RSRC1: variants seen among roughly 807,000 people sequenced by gnomAD.
The protein encoded by RSRC1 is serine/Arginine-related protein 53.
RSRC1 carries 39 observed loss-of-function variants against 49.1 expected under a neutral mutation model. The observed-to-expected ratio is 0.79, with a 90% CI of 0.61 to 1.04. The LOEUF is 1.04. Ranked by LOEUF, RSRC1 falls within the 50% of genes least tolerant of loss-of-function variation. RSRC1 has a pLI of 0.00. For missense variants in RSRC1, 388 were observed against 402.4 expected, an observed-to-expected ratio of 0.96 and a Z score of 0.31; for synonymous variants, 143 against 130.8, an observed-to-expected ratio of 1.09 and a Z score of -0.63.
chr3:158,487,287 A>T (rs1345592213), intron 7 of RSRC1, among the ~76,000 whole-genome samples: 2 of 108,608 alleles, frequency 1.8e-5, no homozygotes, highest in Non-Finnish European at 3.8e-5. Flanking sequence ...TTAAATATTC[A>T]ATTTATAATT....
At chr3:158,154,928 A>C (rs1287785290) in intron 3 of RSRC1, among the ~76,000 whole-genome samples, 1 of 152,192 alleles carries the variant, frequency 6.6e-6, no homozygotes, top group Non-Finnish European at 1.5e-5. Flanking sequence ...CATCCATAAG[A>C]AGCAACTCTT....
In RSRC1 at chr3:158,122,249, A is replaced by G; in HGVS notation, c.145A>G (p.Arg49Gly). 1 of 1,603,360 alleles carries G rather than the reference A, an allele frequency of 6.2e-7. No homozygotes were observed. The highest frequency in any genetic ancestry group is 8.5e-7 in the Non-Finnish European group (1 of 1,174,198). The change falls in exon 2 of 10, where the codon AGA (arginine) becomes GGA (glycine). Residue 49 changes from arginine (R) to glycine (G), a missense_variant. Coordinates refer to ENST00000611884, the MANE Select transcript of RSRC1 (RefSeq NM_001271838.2). ...KGGRKSRSKS[R>G]SWSRDLQPRS... ...AGGAAGGAAATCAAGATCAAAGTCA[A>G]GATCTTGGTCCAGAGATCTTCAGCC...
intron 7 of RSRC1, among the ~76,000 whole-genome samples, chr3:158,509,115 A>T (rs933770646): frequency 6.6e-6 from 1 of 152,136 alleles, no homozygotes; most frequent in African/African-American, 2.4e-5. Flanking sequence ...TTCTTCTCAG[A>T]GTTGTATAGT....
At chr3:158,125,989 T>A (rs762149918) in intron 3 of RSRC1, among the ~76,000 whole-genome samples, 1 of 152,154 alleles carries the variant, frequency 6.6e-6, no homozygotes, top group Non-Finnish European at 1.5e-5. Context: ...TGACTTAAAG[T>A]CTATTTTGTC....
intron 5 of RSRC1, among the ~76,000 whole-genome samples, chr3:158,308,411 A>G (rs1032656296): frequency 1.7e-4 from 26 of 151,914 alleles, no homozygotes; most frequent in African/African-American, 6.3e-4. Context: ...TTGATGTAGC[A>G]GGCTGCAAGG....
chr3:158,517,821 C>G (rs983845791), intron 7 of RSRC1, among the ~76,000 whole-genome samples: 5 of 119,468 alleles, frequency 4.2e-5, no homozygotes, highest in African/African-American at 1.7e-4. Context: ...CCAGGTTGGT[C>G]TTGAAATCGT....
At chr3:158,222,104 C>G (rs1722254539) in intron 4 of RSRC1, among the ~76,000 whole-genome samples, 1 of 151,362 alleles carries the variant, frequency 6.6e-6, no homozygotes, top group African/African-American at 2.4e-5. Context: ...GTAAGAGGGG[C>G]AGTTTACGAT....
chr3:158,270,196 C>T (rs1284649025), intron 4 of RSRC1, among the ~76,000 whole-genome samples: 1 of 152,130 alleles, frequency 6.6e-6, no homozygotes, highest in Admixed American at 6.5e-5. Context: ...TGTAGGAGAT[C>T]CATCATACTC....
intron 7 of RSRC1, among the ~76,000 whole-genome samples, chr3:158,510,724 G>A (rs542840600): frequency 1.3e-5 from 2 of 152,068 alleles, no homozygotes; most frequent in South Asian, 4.2e-4. Flanking sequence ...AGCCTGTTGT[G>A]CTATCAGATA....
chr3:158,131,333 G>C (rs1716009528), intron 3 of RSRC1, among the ~76,000 whole-genome samples: 1 of 151,842 alleles, frequency 6.6e-6, no homozygotes, highest in Non-Finnish European at 1.5e-5. Flanking sequence ...CTAGTGGGAT[G>C]ATTATGGTTT....
intron 5 of RSRC1, among the ~76,000 whole-genome samples, chr3:158,334,649 T>G (rs970883100): frequency 8.7e-5 from 12 of 137,536 alleles, no homozygotes; most frequent in African/African-American, 2.8e-4. Flanking sequence ...CCCAGCTAAT[T>G]TGTGTGTGTG....
chr3:158,462,648 A>T (rs948918745), intron 7 of RSRC1, among the ~76,000 whole-genome samples: 1 of 151,808 alleles, frequency 6.6e-6, no homozygotes, highest in African/African-American at 2.4e-5. Context: ...ATACTTCAGA[A>T]CTCCTCATTT....
chr3:158,449,735 A>C (rs888513881), intron 6 of RSRC1, among the ~76,000 whole-genome samples: 3 of 151,962 alleles, frequency 2.0e-5, no homozygotes, highest in African/African-American at 7.2e-5. Context: ...CATTTTTCTG[A>C]GACTTGACTG....
chr3:158,438,551 A>G (rs1262736869), intron 6 of RSRC1, among the ~76,000 whole-genome samples: 1 of 152,230 alleles, frequency 6.6e-6, no homozygotes, highest in Non-Finnish European at 1.5e-5. Flanking sequence ...CAAACCTGAC[A>G]AAAACAAGCA....
intron 6 of RSRC1, among the ~76,000 whole-genome samples, chr3:158,445,263 A>G (rs1193591394): frequency 2.6e-5 from 4 of 152,226 alleles, no homozygotes; most frequent in Admixed American, 2.6e-4. Context: ...CCAGATGTCC[A>G]TCAGTGATAG....
At chr3:158,350,961 T>G (rs184692762) in intron 5 of RSRC1, among the ~76,000 whole-genome samples, 426 of 152,260 alleles carry the variant, frequency 2.8e-3, no homozygotes, top group African/African-American at 1.0e-2. Context: ...TGGGTTGGTA[T>G]GAAATTTTTT....
At chr3:158,489,402 T>A (rs1176396888) in intron 7 of RSRC1, among the ~76,000 whole-genome samples, 1 of 152,240 alleles carries the variant, frequency 6.6e-6, no homozygotes, top group Non-Finnish European at 1.5e-5. Context: ...TGGTGTGGAA[T>A]CTTCAGCCTC....
chr3:158,110,935 C>T (rs1305738265), intron 1 of RSRC1, among the ~76,000 whole-genome samples: 1 of 152,196 alleles, frequency 6.6e-6, no homozygotes, highest in Non-Finnish European at 1.5e-5. Flanking sequence ...CGTAATTTCT[C>T]TCTCAGAGGT....
In RSRC1 at chr3:158,227,062, A is replaced by G. The variant is rs189824594; in HGVS notation, c.494+23817A>G. On this transcript the variant is annotated intron_variant, in intron 4 of 9. Transcript: ENST00000611884. Reference sequence around the variant, plus strand: ...AGAAAATTAAATACTAAGATATAAGATTTTGTTGGGTTGGTTTAGCTTTGG... The same window carrying G: ...AGAAAATTAAATACTAAGATATAAGGTTTTGTTGGGTTGGTTTAGCTTTGG... 6.6e-5 allele frequency among the ~76,000 whole-genome samples: 10 copies of G among 151,974 alleles called. No homozygotes were observed. The East Asian group carries it at 1.9e-3, about 30-fold the overall frequency.
Sources: gnomAD v4.1 joint callset for allele counts (sites outside exome capture counted in the v4.1 genomes callset) on GRCh38, gnomAD v4.1.1 for gene constraint, MANE v1.5 for transcripts, NCBI Gene and HGNC (gene_info 2026-07-23, HGNC 2026-07-21) for gene names.